The following CADM1 variants were observed in gnomAD, a reference collection of about 807,000 sequenced individuals.
CADM1 encodes cell adhesion molecule 1.
CADM1 carries 15 observed loss-of-function variants against 53.1 expected under a neutral mutation model. That is an observed-to-expected ratio of 0.28 (90% CI 0.19 to 0.44). The LOEUF (loss-of-function observed/expected upper bound fraction) is 0.44. CADM1 is among the 20% of genes least tolerant of loss of function. The probability of loss-of-function intolerance (pLI) is 1.00; values close to 1 mark genes in which losing one functional copy is unlikely to be tolerated. For synonymous variants in CADM1, 281 were observed against 243.0 expected (o/e 1.16, Z -1.45); for missense variants, 434 against 611.3 (o/e 0.71, Z 3.06).
intron 1 of CADM1, among the ~76,000 whole-genome samples, chr11:115,422,005 G>T (rs1947769989): frequency 6.6e-6 from 1 of 152,168 alleles, no homozygotes; most frequent in South Asian, 2.1e-4. Context: ...ACTTGTCCTT[G>T]AATCTAGCAA....
At chr11:115,272,236 A>G (rs981540808) in intron 1 of CADM1, among the ~76,000 whole-genome samples, 4 of 152,296 alleles carry the variant, frequency 2.6e-5, no homozygotes, top group Admixed American at 2.6e-4. Flanking sequence ...TCTCATTTCT[A>G]TTAAGCCTCT....
intron 1 of CADM1, among the ~76,000 whole-genome samples, chr11:115,443,162 T>A (rs1028488951): frequency 6.6e-6 from 1 of 152,064 alleles, no homozygotes; most frequent in Non-Finnish European, 1.5e-5. Context: ...GAATTACTAA[T>A]TAGGTGAATG....
chr11:115,186,493 G>C (rs920577485), intron 10 of CADM1, among the ~76,000 whole-genome samples: 26 of 152,158 alleles, frequency 1.7e-4, no homozygotes, highest in Non-Finnish European at 1.8e-4. Context: ...CAGCACACAG[G>C]AAGCTGTGGA....
intron 8 of CADM1, among the ~76,000 whole-genome samples, chr11:115,202,610 T>C (rs939274592): frequency 6.6e-6 from 1 of 152,190 alleles, no homozygotes; most frequent in Non-Finnish European, 1.5e-5. Context: ...TCATTTTTGA[T>C]TGTCATAAGC....
intron 6 of CADM1, among the ~76,000 whole-genome samples, chr11:115,217,513 T>TA (rs1425718073): frequency 6.6e-6 from 1 of 152,160 alleles, no homozygotes; most frequent in Non-Finnish European, 1.5e-5. Flanking sequence ...ATGTAAGTCT[T>TA]AAAACCATCT....
At chr11:115,215,561 T>C (rs1296131368) in intron 6 of CADM1, among the ~76,000 whole-genome samples, 1 of 152,186 alleles carries the variant, frequency 6.6e-6, no homozygotes, top group Non-Finnish European at 1.5e-5. Flanking sequence ...GCATTCCACA[T>C]GGATCCCTTA....
At chr11:115,178,070 A>T (rs773387158) in intron 11 of CADM1, among the ~76,000 whole-genome samples, 1 of 152,252 alleles carries the variant, frequency 6.6e-6, no homozygotes, top group Non-Finnish European at 1.5e-5. Context: ...TGCACAGTTG[A>T]TAAGTGTGAT....
intron 1 of CADM1, among the ~76,000 whole-genome samples, chr11:115,249,772 T>A (rs967594493): frequency 4.2e-4 from 64 of 152,256 alleles, no homozygotes; most frequent in African/African-American, 1.5e-3. Context: ...CCTAACCAAA[T>A]TAAGGAAAAA....
At chr11:115,266,817 C>A (rs1365344320) in intron 1 of CADM1, among the ~76,000 whole-genome samples, 1 of 152,168 alleles carries the variant, frequency 6.6e-6, no homozygotes, top group Non-Finnish European at 1.5e-5. Context: ...CCTTAACTAC[C>A]TGCATATATA....
In CADM1 at chr11:115,172,725, ATTTTTTTTTT is replaced by A. The variant is rs991408884; in HGVS notation, c.*3739_*3748del. On this transcript the variant is annotated 3_prime_UTR_variant, in exon 12 of 12. Transcript: ENST00000331581. ...CAGGTGCTCAATAACTGCATATCTG[ATTTTTTTTTT>A]TTTTTTTTTTTTTTTTTTTTTTTAA... 6 of 85,540 alleles carry A rather than the reference ATTTTTTTTTT, an allele frequency of 7.0e-5. No individual in the cohort carries two copies. The highest frequency in any genetic ancestry group is 1.9e-4 in the Admixed American group (1 of 5,252). The allele number at this position is 85,540 out of a possible 1,614,324, so 5.3% of individuals were successfully genotyped here. A position where few individuals can be genotyped will look rare whatever the true frequency, so the allele number is the denominator to read the frequency against.
intron 1 of CADM1, among the ~76,000 whole-genome samples, chr11:115,467,269 C>T (rs1948916887): frequency 6.6e-6 from 1 of 152,198 alleles, no homozygotes; most frequent in Non-Finnish European, 1.5e-5. Flanking sequence ...CTTCTACCTT[C>T]TAAACGATAG....
At chr11:115,370,943 A>G (rs1946292043) in intron 1 of CADM1, among the ~76,000 whole-genome samples, 1 of 152,238 alleles carries the variant, frequency 6.6e-6, no homozygotes, top group African/African-American at 2.4e-5. Flanking sequence ...TGAAGTTAAC[A>G]GGGACAAGAT....
chr11:115,485,309 T>A (rs1336479711), intron 1 of CADM1, among the ~76,000 whole-genome samples: 1 of 152,176 alleles, frequency 6.6e-6, no homozygotes, highest in African/African-American at 2.4e-5. Context: ...CCCTTAAGGA[T>A]CTCTCATACA....
chr11:115,342,758 A>T (rs1644234430), intron 1 of CADM1, among the ~76,000 whole-genome samples: 1 of 152,116 alleles, frequency 6.6e-6, no homozygotes, highest in Non-Finnish European at 1.5e-5. Flanking sequence ...TACCACAGTT[A>T]GTTTCATTTC....
intron 1 of CADM1, among the ~76,000 whole-genome samples, chr11:115,501,200 T>G (rs577970474): frequency 6.6e-6 from 1 of 152,304 alleles, no homozygotes; most frequent in Non-Finnish European, 1.5e-5. Context: ...AGTGACACAC[T>G]GTAAATATAA....
chr11:115,204,090 G>T (rs4938188), intron 8 of CADM1, among the ~76,000 whole-genome samples: 1 of 152,224 alleles, frequency 6.6e-6, no homozygotes, highest in Non-Finnish European at 1.5e-5. Context: ...CAACTCTAGA[G>T]AAAAAGGCAA....
intron 1 of CADM1, among the ~76,000 whole-genome samples, chr11:115,355,630 A>AAGAG (rs974282488): frequency 1.3e-5 from 2 of 152,102 alleles, no homozygotes; most frequent in African/African-American, 4.8e-5. Context: ...AGGTATAAAA[A>AAGAG]AGAGAGAGAG....
Position 115,174,054 on chromosome 11 carries a change from CTTTG to C in CADM1, c.*2416_*2419del. 1.0e-6 allele frequency: 1 copy of C among 980,338 alleles called. No individual in the cohort carries two copies. The highest frequency in any genetic ancestry group is 1.2e-6 in the Non-Finnish European group (1 of 825,396). 60.7% of individuals were successfully genotyped at this position (980,338 alleles called of 1,614,324 possible). On this transcript the variant is annotated 3_prime_UTR_variant, in exon 12 of 12. Transcript: ENST00000331581. ...TAAAATCCATAATTTCCTGTTTTTG[CTTTG>C]TTTTATTATTATTTTTTCCAATGTG...
At chr11:115,226,756 G>T (rs1366310421) in intron 5 of CADM1, among the ~76,000 whole-genome samples, 1 of 152,164 alleles carries the variant, frequency 6.6e-6, no homozygotes, top group Non-Finnish European at 1.5e-5. Flanking sequence ...AGTGCTTCAG[G>T]CATTTGAGGA....
Sources: allele counts gnomAD v4.1 joint callset (sites outside exome capture counted in the v4.1 genomes callset), GRCh38; gene constraint gnomAD v4.1.1; transcripts MANE v1.5; gene names NCBI Gene and HGNC (gene_info 2026-07-23, HGNC 2026-07-21).